KMT2C: variants seen among roughly 807,000 people sequenced by gnomAD.
The protein encoded by KMT2C is lysine methyltransferase 2C, also known as histone-lysine N-methyltransferase 2C.
In KMT2C, 88 loss-of-function variants were observed where a neutral mutation model predicts 507.9. The ratio of observed to expected loss-of-function variants is 0.17; its 90% confidence interval spans 0.15 to 0.21. The LOEUF is 0.21. Among genes scored for constraint, KMT2C ranks in the 10% least tolerant of loss-of-function variants. KMT2C has a pLI of 1.00. For synonymous variants in KMT2C, 2,049 were observed against 2,080.8 expected, an observed-to-expected ratio of 0.98 and a Z score of 0.42; for missense variants, 4,954 against 5,957.8, an observed-to-expected ratio of 0.83 and a Z score of 5.55.
Position 152,181,027 on chromosome 7 carries a change from G to A in KMT2C, c.6833C>T (p.Pro2278Leu), listed in dbSNP as rs1222617467. ...PPDTCSQTPRPPGPGLSDTFS... is the reference protein window; with the variant it reads ...PPDTCSQTPRLPGPGLSDTFS... Reference sequence around the variant, plus strand: ...TGTGTCTGAAAGACCAGGTCCAGGGGGCCTAGGTGTCTGGGAACATGTATC... The same window carrying A: ...TGTGTCTGAAAGACCAGGTCCAGGGAGCCTAGGTGTCTGGGAACATGTATC... The change falls in exon 36 of 59, where the codon CCC becomes CTC. Residue 2278 changes from proline (P) to leucine (L), a missense_variant. Physicochemically the swap from Pro to Leu is moderately conservative, Grantham distance 98. This residue lies in a region of KMT2C where 1,689 missense variants were observed against 1,654.3 expected (regional missense o/e 1.02). Coordinates refer to ENST00000262189, the MANE Select transcript of KMT2C (RefSeq NM_170606.3). The A allele has an allele frequency of 4.3e-6, 7 of 1,614,036 alleles. No homozygotes were observed. The highest frequency in any genetic ancestry group is 5.9e-6 in the Non-Finnish European group (7 of 1,180,036).
intron 1 of KMT2C, among the ~76,000 whole-genome samples, chr7:152,383,479 G>A (rs1263719599): frequency 6.6e-6 from 1 of 152,182 alleles, no homozygotes; most frequent in Non-Finnish European, 1.5e-5. Context: ...AGGAAAAACT[G>A]ATGATAGAAA....
At chr7:152,390,183 C>A (rs1484995715) in intron 1 of KMT2C, among the ~76,000 whole-genome samples, 1 of 152,104 alleles carries the variant, frequency 6.6e-6, no homozygotes, top group Non-Finnish European at 1.5e-5. Context: ...TGTAACAAAC[C>A]TGCACGTGTA....
intron 2 of KMT2C, among the ~76,000 whole-genome samples, chr7:152,353,033 TTTCTC>T (rs373737930): frequency 4.2e-4 from 64 of 152,248 alleles, no homozygotes; most frequent in Middle Eastern, 3.4e-3. Flanking sequence ...AAAAAAAAAG[TTTCTC>T]TTCTCTTCAA....
At chr7:152,193,865 A>G (rs2093883606) in intron 31 of KMT2C, 144 bp downstream of exon 31, 2 of 576,198 alleles carry the variant, frequency 3.5e-6, no homozygotes, top group Non-Finnish European at 5.5e-6. Flanking sequence ...GTATTTTTCA[A>G]TCATTACAAA....
In KMT2C at chr7:152,136,697, A is replaced by C; in HGVS notation, c.*135T>G. The C allele has an allele frequency of 1.5e-6, 1 of 661,294 alleles. No individual in the cohort carries two copies. 41.0% of individuals were successfully genotyped at this position (661,294 alleles called of 1,614,324 possible). On this transcript the variant is annotated 3_prime_UTR_variant, in exon 59 of 59. Coordinates refer to ENST00000262189, the MANE Select transcript of KMT2C (RefSeq NM_170606.3). ...TTTAACCTAAAGGACTGAGGAAATC[A>C]GAACTCCCAGAAGCTTTTTCAAAAA...
intron 3 of KMT2C, among the ~76,000 whole-genome samples, chr7:152,315,843 G>T (rs180981201): frequency 2.6e-5 from 4 of 152,266 alleles, no homozygotes; most frequent in African/African-American, 9.6e-5. Context: ...TATCCGGGAG[G>T]TAGAGGTTGT....
rs189763045 is a variant in KMT2C at position 152,221,990 on chromosome 7, T to C, written c.3499+11A>G. On this transcript the variant is annotated intron_variant, in intron 22 of 58. Transcript: ENST00000262189. ...AATTAATTAAATCAAGTAAAGCATT[T>C]CAAATTTTACCTAGCTCTTTTACTT... The C allele has an allele frequency of 8.8e-5, 141 of 1,593,316 alleles. 1 individual carries two copies. In the Admixed American group the frequency reaches 2.4e-3, roughly 27 times the overall value.
At chr7:152,171,122 G>T in intron 40 of KMT2C, 142 bp downstream of exon 40, 1 of 466,164 alleles carries the variant, frequency 2.1e-6, no homozygotes, top group East Asian at 3.5e-5. Flanking sequence ...TTTGCCACTG[G>T]CAAATGGCAT....
At position 152,148,556 on chromosome 7, in the gene KMT2C, G is replaced by A. The variant is rs1367219669; in HGVS notation, c.13371C>T (p.Gly4457=). The part of the protein sequence containing the change: ...LINVELALRR[G]LQMKCVFCHK... ...GACAGAAGACACATTTCATTTGTAG[G>A]CCTCTCCTCAGAGCTAGCTCCACAT... Residue 4457 remains glycine, a synonymous_variant, in exon 52 of 59, where the codon GGC becomes GGT. Coordinates refer to ENST00000262189, the MANE Select transcript of KMT2C (RefSeq NM_170606.3). This position sits in a 1 kb window ranked among gnomAD's most constrained non-coding sequence, Gnocchi z 7.1. The A allele has an allele frequency of 1.2e-6, 2 of 1,614,174 alleles. No homozygotes were observed. The highest frequency in any genetic ancestry group is 1.7e-5 in the Admixed American group (1 of 60,018).
At chr7:152,360,244 G>A (rs925263237) in intron 1 of KMT2C, among the ~76,000 whole-genome samples, 30 of 152,058 alleles carry the variant, frequency 2.0e-4, no homozygotes, top group Admixed American at 5.2e-4. Flanking sequence ...TTGGGAGGCC[G>A]AGGTGGGTGG....
intron 9 of KMT2C, among the ~76,000 whole-genome samples, chr7:152,255,157 A>ATATATATATATG (rs767823858): frequency 5.5e-5 from 7 of 128,374 alleles, no homozygotes; most frequent in African/African-American, 9.1e-5. Flanking sequence ...ATATATATAT[A>ATATATATATATG]TGTGTGTGTG....
chr7:152,162,890 C>T lies in KMT2C; in HGVS notation c.10687G>A (p.Val3563Ile). Residue 3563 changes from valine to isoleucine, a missense_variant, in exon 43 of 59, where the codon GTA (valine) becomes ATA (isoleucine). By Grantham distance (29) the Val-to-Ile change is conservative (BLOSUM62 3). This residue lies in a region of KMT2C where 801 missense variants were observed against 751.2 expected (regional missense o/e 1.07). Coordinates refer to ENST00000262189, the MANE Select transcript of KMT2C (RefSeq NM_170606.3). ...FTPALPAAPP[V>I]ANSSLPCGQD... ...CCACATGGGAGACTGCTATTAGCTA[C>T]TGGAGGTGCTGCTGGTAAAGCAGGT... 1 of 1,614,152 alleles carries T rather than the reference C, an allele frequency of 6.2e-7. No homozygotes were observed.
intron 2 of KMT2C, among the ~76,000 whole-genome samples, chr7:152,350,422 T>C (rs765030776): frequency 2.6e-5 from 4 of 152,234 alleles, no homozygotes; most frequent in Non-Finnish European, 5.9e-5. Context: ...ATTTTGTCAC[T>C]GTTACACAAA....
At chr7:152,260,822 G>C (rs1217834026) in intron 9 of KMT2C, among the ~76,000 whole-genome samples, 1 of 152,158 alleles carries the variant, frequency 6.6e-6, no homozygotes, top group Non-Finnish European at 1.5e-5. Flanking sequence ...ATATATTTTT[G>C]AAAGAAAATT....
intron 1 of KMT2C, among the ~76,000 whole-genome samples, chr7:152,429,318 A>G (rs184155560): frequency 3.9e-4 from 59 of 152,304 alleles, no homozygotes; most frequent in Middle Eastern, 3.4e-3. Context: ...CTTGTAGATC[A>G]TATGTAGTTA....
In KMT2C at chr7:152,301,229, G is replaced by C. The variant is rs185667694; in HGVS notation, c.849+8737C>G. ...AAAAAAAAAAAGAAAAGTTGGCCGGGTGTGATGGATCACACCTGTAGTCCC... is the reference window on the plus strand; with the variant it reads ...AAAAAAAAAAAGAAAAGTTGGCCGGCTGTGATGGATCACACCTGTAGTCCC... On this transcript the variant is annotated intron_variant, in intron 6 of 58. Coordinates refer to ENST00000262189, the MANE Select transcript of KMT2C (RefSeq NM_170606.3). Among the ~76,000 whole-genome samples, 1,152 of 151,532 alleles carry C rather than the reference G, an allele frequency of 7.6e-3. 14 individuals carry two copies. Among genetic ancestry groups the C allele is most frequent in the African/African-American group, 0.027 (1,110 of 41,344 alleles).
chr7:152,141,984 C>T (rs567397455), intron 55 of KMT2C, among the ~76,000 whole-genome samples: 236 of 150,836 alleles, frequency 1.6e-3, no homozygotes, highest in Non-Finnish European at 3.0e-3. Flanking sequence ...ATTGTGCCAC[C>T]GCACTCCAGC....
Position 152,199,391 on chromosome 7 carries a change from T to C in KMT2C, c.4161A>G (p.Ser1387=), listed in dbSNP as rs61730534. 37 of 1,600,664 alleles carry C rather than the reference T, an allele frequency of 2.3e-5. No homozygotes were observed. The highest frequency in any genetic ancestry group is 3.1e-5 in the Non-Finnish European group (36 of 1,175,416). The change falls in exon 27 of 59, where the codon TCA becomes TCG. Residue 1387 remains serine (S), a synonymous_variant. Transcript: ENST00000262189. ...RQSKISLDNL[S]EDGAQLLYKT... ...TATATAAAAGCTGAGCTCCATCTTC[T>C]GACAGATTATCTAAACTTATCTTGC...
chr7:152,252,202 GGA>G (rs2095573740), intron 10 of KMT2C, 112 bp from the exon 11 acceptor site: 1 of 770,854 alleles, frequency 1.3e-6, no homozygotes, highest in Non-Finnish European at 2.0e-6. Context: ...AAGTATGAGA[GGA>G]GAGAGGTTAG....
Sources: gnomAD v4.1 joint callset for allele counts (sites outside exome capture counted in the v4.1 genomes callset) on GRCh38, gnomAD v4.1.1 for gene constraint, gnomAD v4.1.1 regional missense constraint, Gnocchi (gnomAD v3.1) non-coding constraint, MANE v1.5 for transcripts, NCBI Gene and HGNC (gene_info 2026-07-23, HGNC 2026-07-21) for gene names.